The following RUNX1T1 variants were observed in gnomAD, a reference collection of about 807,000 sequenced individuals.
RUNX1T1 encodes the protein protein CBFA2T1.
Under a neutral mutation model 62.8 loss-of-function variants are expected in RUNX1T1, and 4 were observed. That is an observed-to-expected ratio of 0.06 (90% CI 0.03 to 0.15). RUNX1T1 has a LOEUF of 0.15. Among genes scored for constraint, RUNX1T1 ranks in the 10% least tolerant of loss-of-function variants. RUNX1T1 has a pLI of 1.00. For synonymous variants in RUNX1T1, 291 were observed against 286.0 expected (o/e 1.02, Z -0.18); for missense variants, 508 against 754.3 (o/e 0.67, Z 3.82).
chr8:92,062,852 T>C, exon 1 of RUNX1T1: 1 of 1,409,214 alleles, frequency 7.1e-7, no homozygotes. Flanking sequence ...GTGCAAAGTA[T>C]CACAACCCCT....
intron 4 of RUNX1T1, among the ~76,000 whole-genome samples, chr8:92,008,229 G>A (rs1017485433): frequency 1.3e-5 from 2 of 152,022 alleles, no homozygotes; most frequent in Admixed American, 1.3e-4. Context: ...ACAAAAAACA[G>A]TATCTTCAGG....
At chr8:91,961,342 C>G (rs1352098796) in intron 10 of RUNX1T1, among the ~76,000 whole-genome samples, 2 of 152,230 alleles carry the variant, frequency 1.3e-5, no homozygotes, top group Non-Finnish European at 2.9e-5. Context: ...GCACACAGTT[C>G]TTTCCAGCCA....
At chr8:91,963,844 C>T (rs1035003140) in intron 10 of RUNX1T1, among the ~76,000 whole-genome samples, 1 of 152,190 alleles carries the variant, frequency 6.6e-6, no homozygotes, top group Non-Finnish European at 1.5e-5. Flanking sequence ...CTGAGCTTCC[C>T]TTTCAGGCCT....
chr8:91,975,383 C>G (rs188105387), intron 9 of RUNX1T1, among the ~76,000 whole-genome samples: 1 of 151,964 alleles, frequency 6.6e-6, no homozygotes, highest in Non-Finnish European at 1.5e-5. Flanking sequence ...TAGCTCTGAT[C>G]GTTGAATACT....
At chr8:91,965,726 C>T (rs1245059228) in intron 10 of RUNX1T1, among the ~76,000 whole-genome samples, 1 of 152,124 alleles carries the variant, frequency 6.6e-6, no homozygotes, top group Non-Finnish European at 1.5e-5. Flanking sequence ...TCTTTAGCCC[C>T]TGGAACCATT....
At chr8:91,970,404 T>A (rs2130614478) in intron 10 of RUNX1T1, among the ~76,000 whole-genome samples, 1 of 152,278 alleles carries the variant, frequency 6.6e-6, no homozygotes, top group East Asian at 1.9e-4. Flanking sequence ...TAAATAATGC[T>A]GCGAAGTTAT....
chr8:92,046,526 A>C (rs1243929327), intron 1 of RUNX1T1, among the ~76,000 whole-genome samples: 1 of 151,792 alleles, frequency 6.6e-6, no homozygotes, highest in East Asian at 1.9e-4. Flanking sequence ...ACCATGTCCC[A>C]CCAATTTCTT....
intron 1 of RUNX1T1, among the ~76,000 whole-genome samples, chr8:92,029,474 C>T (rs915279946): frequency 6.6e-6 from 1 of 152,096 alleles, no homozygotes; most frequent in African/African-American, 2.4e-5. Flanking sequence ...AAGATGCCCT[C>T]GAATAAGTAG....
In RUNX1T1 at chr8:91,981,404, C is replaced by CTTTTTTTTT. The variant is rs67366711; in HGVS notation, c.1198+4711_1198+4719dup. On this transcript the variant is annotated intron_variant, in intron 8 of 10. Transcript: ENST00000396218. ...TTCAACAAACTCCTAAGTTACTAAG[C>CTTTTTTTTT]TTTTTTTTTTTTTTTTTTTTTTTTT... Among the ~76,000 whole-genome samples the CTTTTTTTTT allele has an allele frequency of 2.2e-4, 14 of 63,882 alleles. 3 individuals carry two copies. Among genetic ancestry groups the CTTTTTTTTT allele is most frequent in the East Asian group, 1.0e-3 (2 of 1,972 alleles). The allele number at this position is 63,882 out of a possible 152,430, so 41.9% of individuals were successfully genotyped here.
In RUNX1T1 at chr8:91,983,339, G is replaced by T. The variant is rs533753486; in HGVS notation, c.1198+2785C>A. ...ATATTTCAAAAGTGAGAATGGGATTGAGTTTAACAGGTACAACACATCAAT... is the reference window on the plus strand; with the variant it reads ...ATATTTCAAAAGTGAGAATGGGATTTAGTTTAACAGGTACAACACATCAAT... On this transcript the variant is annotated intron_variant, in intron 8 of 10. Transcript: ENST00000396218. 1.8e-4 allele frequency among the ~76,000 whole-genome samples: 27 copies of T among 152,222 alleles called. No homozygotes were observed. In the South Asian group the frequency reaches 5.6e-3, roughly 32 times the overall value.
rs1563591033 is a variant in RUNX1T1 at position 91,959,467 on chromosome 8, T to C, written c.*775A>G. The C allele has an allele frequency of 1.6e-5, 2 of 124,946 alleles. 1 individual carries two copies. Among genetic ancestry groups the C allele is most frequent in the African/African-American group, 7.9e-5 (2 of 25,202 alleles). The allele number at this position is 124,946 out of a possible 1,614,324, so 7.7% of individuals were successfully genotyped here. ...GTGTGTGTGTGTGTGTGTGTGTGTG[T>C]ATATGTGCGTGTGTGTGTGTGTATA... is the stretch of plus-strand genomic sequence containing the variant. On this transcript the variant is annotated 3_prime_UTR_variant, in exon 11 of 11. Coordinates refer to ENST00000396218, the Ensembl canonical transcript of RUNX1T1.
At chr8:92,086,885 T>C (rs1836209657) in intron 1 of RUNX1T1, among the ~76,000 whole-genome samples, 1 of 152,202 alleles carries the variant, frequency 6.6e-6, no homozygotes, top group African/African-American at 2.4e-5. Context: ...ATCTAAAACC[T>C]AAACTGCAGC....
intron 2 of RUNX1T1, chr8:92,071,281 C>A (rs571390655): frequency 6.6e-6 from 1 of 152,222 alleles, no homozygotes; most frequent in African/African-American, 2.4e-5. Flanking sequence ...CCAAAACCGC[C>A]TCATAAAAGC....
At chr8:91,963,287 A>C (rs1419215223) in intron 10 of RUNX1T1, among the ~76,000 whole-genome samples, 2 of 152,140 alleles carry the variant, frequency 1.3e-5, no homozygotes, top group Non-Finnish European at 2.9e-5. Flanking sequence ...ACTGGGACAA[A>C]AGAAAAAACA....
exon 7 of RUNX1T1, chr8:91,986,924 T>C (rs1234443116): frequency 6.2e-7 from 1 of 1,612,316 alleles, no homozygotes; most frequent in Non-Finnish European, 8.5e-7. Context: ...CCATTCTCTG[T>C]CTGTTAGTCT....
intron 1 of RUNX1T1, among the ~76,000 whole-genome samples, chr8:92,030,032 C>T (rs984772346): frequency 6.6e-6 from 1 of 152,108 alleles, no homozygotes; most frequent in South Asian, 2.1e-4. Flanking sequence ...AAATGACCAA[C>T]AACCTAGATA....
rs1834012173 is a variant in RUNX1T1, at chr8:92,073,706, T to C, written c.88+2259A>G. Among the ~76,000 whole-genome samples, 3 of 152,166 alleles carry C rather than the reference T, an allele frequency of 2.0e-5. No individual in the cohort carries two copies. In the South Asian group the frequency reaches 6.2e-4, roughly 31 times the overall value. ...TAATTATTATTGTTAGTATATTTTT[T>C]CATTTATTTAAAAACAGGGCCTTGC... On this transcript the variant is annotated intron_variant, in intron 2 of 11. Coordinates refer to the RUNX1T1 transcript ENST00000265814.
At chr8:92,053,557 A>G (rs1454237688) in intron 1 of RUNX1T1, among the ~76,000 whole-genome samples, 1 of 152,220 alleles carries the variant, frequency 6.6e-6, no homozygotes, top group Non-Finnish European at 1.5e-5. Context: ...GATAAATTAC[A>G]TTGAATTTTA....
At chr8:92,066,708 G>A (rs1473650529), upstream of RUNX1T1, among the ~76,000 whole-genome samples, 1 of 152,168 alleles carries the variant, frequency 6.6e-6, no homozygotes, top group Non-Finnish European at 1.5e-5. Flanking sequence ...ATAATAGATT[G>A]TCCCCTGACA....
Sources: gnomAD v4.1 joint callset for allele counts (sites outside exome capture counted in the v4.1 genomes callset) on GRCh38, gnomAD v4.1.1 for gene constraint, MANE v1.5 for transcripts, NCBI Gene and HGNC (gene_info 2026-07-23, HGNC 2026-07-21) for gene names.